Variants in BANP observed in about 807,000 individuals in gnomAD.
BANP encodes protein BANP.
A neutral mutation model predicts 68.1 loss-of-function variants in BANP; 11 were observed. That is an observed-to-expected ratio of 0.16 (90% confidence interval 0.10 to 0.27). BANP has a LOEUF of 0.27. BANP is among the 10% of genes least tolerant of loss of function. The pLI, the probability that BANP is intolerant of heterozygous loss-of-function variation, is 1.00. For synonymous variants in BANP, 329 were observed against 303.2 expected, an observed-to-expected ratio of 1.09 and a Z score of -0.88; for missense variants, 504 against 722.7, an observed-to-expected ratio of 0.70 and a Z score of 3.47.
At chr16:87,986,283 T>A (rs1350747864) in intron 4 of BANP, among the ~76,000 whole-genome samples, 1 of 152,214 alleles carries the variant, frequency 6.6e-6, no homozygotes. Flanking sequence ...ACTTGTCACG[T>A]TGTGCCAGTG....
At chr16:88,050,330 A>AT (rs1227017316) in intron 11 of BANP, among the ~76,000 whole-genome samples, 1 of 151,664 alleles carries the variant, frequency 6.6e-6, no homozygotes, top group Non-Finnish European at 1.5e-5. Flanking sequence ...TGATTTTTGT[A>AT]TTTTTTTGTA....
intron 4 of BANP, among the ~76,000 whole-genome samples, chr16:87,987,302 C>T (rs2064693621): frequency 6.6e-6 from 1 of 152,190 alleles, no homozygotes; most frequent in African/African-American, 2.4e-5. Flanking sequence ...TGGTCTTGAA[C>T]TCTTGACCTT....
At chr16:88,065,700 G>A (rs1005998389) in intron 12 of BANP, among the ~76,000 whole-genome samples, 2 of 152,158 alleles carry the variant, frequency 1.3e-5, no homozygotes, top group Non-Finnish European at 2.9e-5. Context: ...AGGCTGAACT[G>A]GTCAACCTAG....
chr16:87,961,086 C>T (rs573025589), intron 1 of BANP, among the ~76,000 whole-genome samples: 19 of 152,290 alleles, frequency 1.2e-4, no homozygotes, highest in Non-Finnish European at 2.6e-4. Flanking sequence ...TGCGGGATCA[C>T]GCCTGGGTAA....
chr16:88,043,171 A>G (rs1392823373), intron 11 of BANP, among the ~76,000 whole-genome samples: 1 of 152,070 alleles, frequency 6.6e-6, no homozygotes, highest in African/African-American at 2.4e-5. Context: ...CATGCACCTA[A>G]TCTGCTGCCT....
chr16:88,068,492 G>A (rs1045628789), intron 12 of BANP, among the ~76,000 whole-genome samples: 3 of 152,204 alleles, frequency 2.0e-5, no homozygotes, highest in African/African-American at 7.2e-5. Context: ...AGACACCTCT[G>A]GGACAGCCCC....
intron 13 of BANP, 115 bp downstream of exon 13, chr16:88,072,327 G>C: frequency 8.1e-7 from 1 of 1,238,018 alleles, no homozygotes; most frequent in Non-Finnish European, 1.1e-6. Flanking sequence ...CAGAGGGCAC[G>C]TGATTGGACA....
intron 1 of BANP, among the ~76,000 whole-genome samples, chr16:87,971,291 T>C (rs8052787): frequency 0.14 from 21,181 of 152,070 alleles, 1,610 homozygotes; most frequent in South Asian, 0.28. Flanking sequence ...TGCGTGGAGA[T>C]AGGGTGCTCC....
chr16:88,050,332 T>C (rs2082961409), intron 11 of BANP, among the ~76,000 whole-genome samples: 2 of 152,088 alleles, frequency 1.3e-5, no homozygotes, highest in African/African-American at 4.8e-5. Flanking sequence ...ATTTTTGTAT[T>C]TTTTTGTAGA....
At chr16:87,997,357 T>C (rs990508831) in intron 4 of BANP, among the ~76,000 whole-genome samples, 1 of 152,276 alleles carries the variant, frequency 6.6e-6, no homozygotes, top group African/African-American at 2.4e-5. Context: ...ATCATTGCTG[T>C]TCTTGTCCAG....
chr16:88,056,707 C>G (rs889666052), intron 11 of BANP, among the ~76,000 whole-genome samples: 1 of 152,118 alleles, frequency 6.6e-6, no homozygotes, highest in African/African-American at 2.4e-5. Flanking sequence ...TGGTGGCAGG[C>G]CTGATGATTC....
intron 7 of BANP, among the ~76,000 whole-genome samples, chr16:88,023,823 G>A (rs1373440816): frequency 1.1e-4 from 17 of 152,196 alleles, no homozygotes; most frequent in Non-Finnish European, 5.9e-5. Flanking sequence ...AGAACAGCTC[G>A]CCAGGAAAAT....
At position 88,076,642 on chromosome 16, in the gene BANP, G is replaced by C. The variant is rs1471934799; in HGVS notation, c.1574G>C (p.Gly525Ala). The C allele has an allele frequency of 6.2e-7, 1 of 1,609,964 alleles. No individual in the cohort carries two copies. The change falls in exon 14 of 14, where the codon GGG becomes GCG. Residue 525 changes from glycine (G) to alanine (A), a missense_variant. By Grantham distance (60) the Gly-to-Ala change is moderately conservative (BLOSUM62 0). Around this residue, in one of 3 missense-constraint regions of BANP, gnomAD observed 223 missense variants for 246.2 expected, o/e 0.91. Coordinates refer to ENST00000682872, the MANE Select transcript of BANP (RefSeq NM_001386991.1). The stretch of plus-strand genomic sequence containing the variant: ...CAGCCGGAGATGCAGCTCGAGCACG[G>C]GGCCATCCAGATTCAGTGAGCGGTG... ...TLQPEMQLEH[G>A]AIQIQ
At chr16:87,991,695 T>C (rs1187959913) in intron 4 of BANP, among the ~76,000 whole-genome samples, 1 of 152,248 alleles carries the variant, frequency 6.6e-6, no homozygotes, top group Non-Finnish European at 1.5e-5. Flanking sequence ...TATCCAGTTG[T>C]TCATTGGAAG....
chr16:88,076,086 T>C (rs2091545246), intron 13 of BANP, among the ~76,000 whole-genome samples: 1 of 152,210 alleles, frequency 6.6e-6, no homozygotes, highest in Non-Finnish European at 1.5e-5. Context: ...ATTTCGTACT[T>C]GAAGTCCTTT....
chr16:87,975,800 C>A (rs566244801), intron 2 of BANP, among the ~76,000 whole-genome samples: 1 of 142,406 alleles, frequency 7.0e-6, no homozygotes, highest in Non-Finnish European at 1.5e-5. Context: ...TGTGTAATCC[C>A]CTGTGTGCGG....
chr16:87,990,870 C>G (rs1296656963), intron 4 of BANP, among the ~76,000 whole-genome samples: 1 of 152,206 alleles, frequency 6.6e-6, no homozygotes, highest in African/African-American at 2.4e-5. Flanking sequence ...TCACGCCATT[C>G]TCCTGCTTCA....
At chr16:88,049,295 T>G (rs940134034) in intron 11 of BANP, among the ~76,000 whole-genome samples, 3 of 152,154 alleles carry the variant, frequency 2.0e-5, no homozygotes, top group African/African-American at 7.2e-5. Flanking sequence ...GAAGTACTTT[T>G]GTTTACTGTG....
chr16:88,034,998 C>A, intron 9 of BANP: 1 of 274,462 alleles, frequency 3.6e-6, no homozygotes, highest in East Asian at 8.9e-5. Flanking sequence ...GTGAGTCGTT[C>A]CTTTGTCCAG....
Sources: allele counts gnomAD v4.1 joint callset (sites outside exome capture counted in the v4.1 genomes callset), GRCh38; gene constraint gnomAD v4.1.1; regional missense constraint gnomAD v4.1.1; transcripts MANE v1.5; gene names NCBI Gene and HGNC (gene_info 2026-07-23, HGNC 2026-07-21).